CASTOR2: variants seen among roughly 807,000 people sequenced by gnomAD.
CASTOR2 encodes the protein GATS protein like 2.
Under a neutral mutation model 31.2 loss-of-function variants are expected in CASTOR2, and 8 were observed. That is an observed-to-expected ratio of 0.26 (90% confidence interval 0.15 to 0.46). The LOEUF (loss-of-function observed/expected upper bound fraction) is 0.46, where lower values mean the gene tolerates loss of function less well. Ranked by LOEUF, CASTOR2 falls within the 20% of genes least tolerant of loss-of-function variation. The probability of loss-of-function intolerance (pLI) is 0.99; values close to 1 mark genes in which losing one functional copy is unlikely to be tolerated. For missense variants in CASTOR2, 216 were observed against 382.1 expected, an observed-to-expected ratio of 0.57 and a Z score of 3.62; for synonymous variants, 162 against 158.7, an observed-to-expected ratio of 1.02 and a Z score of -0.16.
At chr7:75,021,738 G>A (rs1805009909) in intron 6 of CASTOR2, 136 bp from the exon 7 acceptor site, 4 of 1,061,214 alleles carry the variant, frequency 3.8e-6, no homozygotes, top group Non-Finnish European at 5.7e-6. Context: ...GGAAGGGATT[G>A]TTTTTGGGGG....
intron 7 of CASTOR2, among the ~76,000 whole-genome samples, chr7:75,023,683 A>G (rs1022968925): frequency 6.6e-6 from 1 of 151,068 alleles, no homozygotes; most frequent in East Asian, 2.0e-4. Flanking sequence ...CAAGTGATCC[A>G]CCCGCCTCGG....
chr7:74,996,676 T>C (rs1804354723), intron 1 of CASTOR2, among the ~76,000 whole-genome samples: 1 of 145,114 alleles, frequency 6.9e-6, no homozygotes, highest in East Asian at 2.0e-4. Flanking sequence ...AATGGATGCA[T>C]GGATGCTGTT....
rs1178084776 is a variant in CASTOR2 at position 75,026,188 on chromosome 7, G to GTT, written c.*1489_*1490insTT. Among the ~76,000 whole-genome samples, 16 of 113,264 alleles carry GTT rather than the reference G, an allele frequency of 1.4e-4. No individual in the cohort carries two copies. Among genetic ancestry groups the GTT allele is most frequent in the African/African-American group, 4.7e-4 (14 of 29,992 alleles). 74.3% of individuals were successfully genotyped at this position (113,264 alleles called of 152,430 possible). On this transcript the variant is annotated 3_prime_UTR_variant, in exon 9 of 9. Transcript: ENST00000616305. Reference sequence around the variant, plus strand: ...CCCCTGTGGTTTTGGCTCTGGCGGGGGTTTTTTTTTTTTTTTTTGAGATGG... The same window carrying GTT: ...CCCCTGTGGTTTTGGCTCTGGCGGGGTTGTTTTTTTTTTTTTTTTTGAGATGG...
intron 1 of CASTOR2, among the ~76,000 whole-genome samples, chr7:74,985,894 A>G (rs1326111271): frequency 6.6e-6 from 1 of 152,060 alleles, no homozygotes; most frequent in Admixed American, 6.6e-5. Flanking sequence ...TTACTCCTTC[A>G]GCAGATGCTC....
At chr7:75,017,813 C>T (rs1462839437) in intron 3 of CASTOR2, 22 bp downstream of exon 3, 77 of 1,613,980 alleles carry the variant, frequency 4.8e-5, no homozygotes, top group East Asian at 4.0e-4. Flanking sequence ...ATCACAGACA[C>T]GCCTTGCACA....
intron 1 of CASTOR2, among the ~76,000 whole-genome samples, chr7:74,998,393 C>G (rs1698531420): frequency 6.6e-6 from 1 of 152,090 alleles, no homozygotes; most frequent in South Asian, 2.1e-4. Context: ...CACCTGAGGT[C>G]AGGGGTTGGA....
intron 1 of CASTOR2, among the ~76,000 whole-genome samples, chr7:74,994,971 C>T (rs1554437751): frequency 4.6e-5 from 7 of 152,208 alleles, no homozygotes; most frequent in Middle Eastern, 3.4e-3. Context: ...GTGTCCAAGA[C>T]GTCAGAGGAG....
intron 1 of CASTOR2, among the ~76,000 whole-genome samples, chr7:74,987,215 G>A (rs1267706419): frequency 6.6e-6 from 1 of 151,984 alleles, no homozygotes; most frequent in African/African-American, 2.4e-5. Flanking sequence ...GACCAGCCTG[G>A]CCAACATGGT....
chr7:75,013,344 C>T (rs1447096150), intron 2 of CASTOR2, among the ~76,000 whole-genome samples: 2 of 152,168 alleles, frequency 1.3e-5, no homozygotes, highest in Non-Finnish European at 2.9e-5. Context: ...TCAATGTGAA[C>T]GTTCTTAAGA....
At position 74,965,861 on chromosome 7, in the gene CASTOR2, C is replaced by CACACACAT. The variant is rs1554434573; in HGVS notation, c.113+770_113+771insTACACACA. On this transcript the variant is annotated intron_variant, in intron 1 of 8. Coordinates refer to ENST00000616305, the MANE Select transcript of CASTOR2 (RefSeq NM_001145064.3). ...GGTAAAAGAGGGAATCACACACACA[C>CACACACAT]ACACACACACACACACACACACTCT... is the stretch of plus-strand genomic sequence containing the variant. Among the ~76,000 whole-genome samples the CACACACAT allele has an allele frequency of 5.0e-3, 89 of 17,924 alleles. 1 individual carries two copies. The Admixed American group carries it at 0.066, about 13-fold the overall frequency. 11.8% of individuals were successfully genotyped at this position (17,924 alleles called of 152,430 possible).
Position 75,027,950 on chromosome 7 carries a change from A to G in CASTOR2, c.*3251A>G. On this transcript the variant is annotated 3_prime_UTR_variant, in exon 9 of 9. Transcript: ENST00000616305. Reference sequence around the variant, plus strand: ...TCTCCAGGCCCCAGACCCCACTTGGAGGGGCATGTGTTTCTCAGAGGGGCT... The same window carrying G: ...TCTCCAGGCCCCAGACCCCACTTGGGGGGGCATGTGTTTCTCAGAGGGGCT... The G allele has an allele frequency of 7.1e-7, 1 of 1,418,228 alleles. No individual in the cohort carries two copies. The highest frequency in any genetic ancestry group is 2.3e-4 in the Middle Eastern group (1 of 4,438). The allele number at this position is 1,418,228 out of a possible 1,614,324, so 87.9% of individuals were successfully genotyped here. A position where few individuals can be genotyped will look rare whatever the true frequency, so the allele number is the denominator to read the frequency against.
In CASTOR2 at chr7:75,030,248, C is replaced by G. The variant is rs1805264593; in HGVS notation, c.*5549C>G. 6.6e-6 allele frequency among the ~76,000 whole-genome samples: 1 copy of G among 152,196 alleles called. No homozygotes were observed. Among genetic ancestry groups the G allele is most frequent in the Admixed American group, 6.5e-5 (1 of 15,286 alleles). On this transcript the variant is annotated 3_prime_UTR_variant, in exon 9 of 9. Coordinates refer to ENST00000616305, the MANE Select transcript of CASTOR2 (RefSeq NM_001145064.3). ...ATGTACCTGTGAGCGTGGATGTGTT[C>G]CTATGCATTAGAGTGTGTGCGTGCA...
At chr7:74,996,002 CAG>C (rs1804338335) in intron 1 of CASTOR2, among the ~76,000 whole-genome samples, 2 of 151,752 alleles carry the variant, frequency 1.3e-5, no homozygotes, top group South Asian at 4.2e-4. Context: ...GGCGAATGAT[CAG>C]AGACTTTCTG....
At chr7:75,017,019 T>C (rs1584476281) in intron 2 of CASTOR2, among the ~76,000 whole-genome samples, 4 of 151,902 alleles carry the variant, frequency 2.6e-5, no homozygotes, top group Admixed American at 2.6e-4. Flanking sequence ...ATACAAAAAT[T>C]AGCTGGGTGT....
intron 4 of CASTOR2, among the ~76,000 whole-genome samples, chr7:75,018,439 C>T (rs1211638446): frequency 7.3e-4 from 111 of 152,032 alleles, no homozygotes; most frequent in African/African-American, 2.6e-3. Flanking sequence ...CTGAGGAGGC[C>T]GAGGCAGGAG....
intron 7 of CASTOR2, 70 bp from the exon 8 acceptor site, chr7:75,024,370 A>G: frequency 2.7e-6 from 4 of 1,458,350 alleles, no homozygotes; most frequent in Non-Finnish European, 3.8e-6. Flanking sequence ...CAGAGGGTAG[A>G]GGCTGAAGAG....
At chr7:75,019,160 A>G (rs1804933576) in intron 5 of CASTOR2, 65 bp downstream of exon 5, 5 of 1,550,960 alleles carry the variant, frequency 3.2e-6, no homozygotes, top group African/African-American at 1.4e-5. Context: ...TCCGCCTAGG[A>G]GTCTTAGTCT....
In CASTOR2 at chr7:75,028,991, C is replaced by T. The variant is rs1031842895; in HGVS notation, c.*4292C>T. ...GATCAGAGGCTTCCAGTGTGGCCTCCGGAAGCAGCAGCGTAGCCAGGGTGA... is the reference window on the plus strand; with the variant it reads ...GATCAGAGGCTTCCAGTGTGGCCTCTGGAAGCAGCAGCGTAGCCAGGGTGA... On this transcript the variant is annotated 3_prime_UTR_variant, in exon 9 of 9. Transcript: ENST00000616305. 2.6e-5 allele frequency among the ~76,000 whole-genome samples: 4 copies of T among 152,132 alleles called. No individual in the cohort carries two copies. Among genetic ancestry groups the T allele is most frequent in the Non-Finnish European group, 5.9e-5 (4 of 68,004 alleles).
intron 3 of CASTOR2, 77 bp downstream of exon 3, chr7:75,017,868 G>A: frequency 1.2e-6 from 2 of 1,613,760 alleles, no homozygotes; most frequent in Non-Finnish European, 1.7e-6. Flanking sequence ...CCCACCCCTT[G>A]CAGCCTTGCC....
Sources: allele counts gnomAD v4.1 joint callset (sites outside exome capture counted in the v4.1 genomes callset), GRCh38; gene constraint gnomAD v4.1.1; transcripts MANE v1.5; gene names NCBI Gene and HGNC (gene_info 2026-07-23, HGNC 2026-07-21).